Variants in MYO3A observed in about 807,000 individuals in gnomAD.
MYO3A encodes the protein myosin-IIIa.
Under a neutral mutation model 192.7 loss-of-function variants are expected in MYO3A, and 180 were observed. That is an observed-to-expected ratio of 0.93 (90% CI 0.83 to 1.06). MYO3A has a LOEUF of 1.06. Ranked by LOEUF, MYO3A falls within the 50% of genes least tolerant of loss-of-function variation. MYO3A has a pLI of 0.00. For missense variants in MYO3A, 1,896 were observed against 1,905.0 expected, an observed-to-expected ratio of 1.00 and a Z score of 0.09; for synonymous variants, 628 against 645.3, an observed-to-expected ratio of 0.97 and a Z score of 0.41.
At chr10:26,161,773 TA>T (rs1291881113) in intron 26 of MYO3A, among the ~76,000 whole-genome samples, 1 of 152,202 alleles carries the variant, frequency 6.6e-6, no homozygotes, top group Non-Finnish European at 1.5e-5. Flanking sequence ...TTATTTTTAT[TA>T]TTTTTTTTGC....
intron 23 of MYO3A, among the ~76,000 whole-genome samples, chr10:26,148,027 A>G (rs974233400): frequency 1.3e-5 from 2 of 152,228 alleles, no homozygotes; most frequent in Non-Finnish European, 2.9e-5. Context: ...ACTGGAGTTT[A>G]AAATTGTTCT....
intron 26 of MYO3A, among the ~76,000 whole-genome samples, chr10:26,158,260 T>A (rs868747893): frequency 0.021 from 3,202 of 151,586 alleles, 55 homozygotes; most frequent in African/African-American, 0.05. Flanking sequence ...TTTTATTTTT[T>A]TTTTTTTTTT....
chr10:26,029,703 G>A (rs917749678), intron 10 of MYO3A, among the ~76,000 whole-genome samples: 6 of 151,912 alleles, frequency 3.9e-5, no homozygotes, highest in East Asian at 3.8e-4. Context: ...ATGTAATTCC[G>A]CTTTTTTTCT....
chr10:26,084,161 A>G (rs1210648673), intron 14 of MYO3A, among the ~76,000 whole-genome samples: 1 of 152,194 alleles, frequency 6.6e-6, no homozygotes, highest in Non-Finnish European at 1.5e-5. Flanking sequence ...GAGGTGTTGG[A>G]CTTTGTCAGA....
Position 26,174,410 on chromosome 10 carries a change from A to G in MYO3A, c.4146A>G (p.Thr1382=). The change falls in exon 30 of 35, where the codon ACA becomes ACG. Residue 1382 remains threonine, a synonymous_variant. Coordinates refer to ENST00000642920, the MANE Select transcript of MYO3A (RefSeq NM_017433.5). ...SSFKHQRIVT[T]PTEVARNTHN... is the part of the protein sequence containing the mutation. ...TTAAGCATCAGAGGATTGTCACAAC[A>G]CCAACAGAAGTAGCAAGAAACACTC... 6.2e-7 allele frequency: 1 copy of G among 1,614,256 alleles called. No homozygotes were observed. The highest frequency in any genetic ancestry group is 8.5e-7 in the Non-Finnish European group (1 of 1,180,046).
chr10:25,979,198 T>C (rs1839145079), intron 4 of MYO3A, among the ~76,000 whole-genome samples: 2 of 152,206 alleles, frequency 1.3e-5, no homozygotes, highest in African/African-American at 4.8e-5. Context: ...CAGTGGCTTC[T>C]ACAGAATTAG....
chr10:26,027,777 A>G (rs1177520490), intron 10 of MYO3A, among the ~76,000 whole-genome samples: 2 of 152,246 alleles, frequency 1.3e-5, no homozygotes, highest in African/African-American at 4.8e-5. Context: ...ATGGCTAGAT[A>G]GCATTCCCTT....
rs563970231 is a variant in MYO3A at position 26,041,638 on chromosome 10, T to C, written c.953+15106T>C. Among the ~76,000 whole-genome samples the C allele has an allele frequency of 3.3e-5, 5 of 152,214 alleles. No homozygotes were observed. The East Asian group carries it at 9.6e-4, about 29-fold the overall frequency. On this transcript the variant is annotated intron_variant, in intron 10 of 34. Transcript: ENST00000642920. ...ACCACAAGGCTTGCACATACTATCT[T>C]ATAACCCATTATTGTAAGCTGATAA...
At chr10:26,175,722 C>T (rs552030303) in intron 30 of MYO3A, among the ~76,000 whole-genome samples, 1 of 152,324 alleles carries the variant, frequency 6.6e-6, no homozygotes, top group South Asian at 2.1e-4. Flanking sequence ...TACAGTTCTT[C>T]TCACTCCAAA....
intron 7 of MYO3A, among the ~76,000 whole-genome samples, chr10:26,018,713 G>C (rs1322406809): frequency 6.6e-6 from 1 of 152,096 alleles, no homozygotes; most frequent in Admixed American, 6.6e-5. Flanking sequence ...AGAGCGAAAG[G>C]GGGTGATATT....
At chr10:25,966,686 A>T (rs1838288361) in intron 4 of MYO3A, among the ~76,000 whole-genome samples, 1 of 152,204 alleles carries the variant, frequency 6.6e-6, no homozygotes, top group South Asian at 2.1e-4. Context: ...AAACTGCAAG[A>T]ATGGTGTCTT....
chr10:25,965,115 C>A (rs1433589869), intron 4 of MYO3A, among the ~76,000 whole-genome samples: 1 of 152,130 alleles, frequency 6.6e-6, no homozygotes, highest in African/African-American at 2.4e-5. Context: ...TGTTCTACAA[C>A]CTTCTTGCAC....
intron 2 of MYO3A, among the ~76,000 whole-genome samples, chr10:25,950,567 A>G (rs1267794768): frequency 6.6e-6 from 1 of 152,162 alleles, no homozygotes; most frequent in Non-Finnish European, 1.5e-5. Context: ...AGTTATGGGC[A>G]CAGATGTGAA....
rs773780118 is a variant in MYO3A at position 26,202,948 on chromosome 10, A to G, written c.4587-16A>G. ...ATTAGATTGATGCAATGGTGTGTTT[A>G]TGTGTTCATTTACAGTCAGGGAAAA... On this transcript the variant is annotated splice_polypyrimidine_tract_variant and intron_variant, in intron 33 of 34. Coordinates refer to ENST00000642920, the MANE Select transcript of MYO3A (RefSeq NM_017433.5). The G allele has an allele frequency of 7.4e-6, 12 of 1,612,990 alleles. No homozygotes were observed. The highest frequency in any genetic ancestry group is 9.3e-6 in the Non-Finnish European group (11 of 1,179,238).
intron 18 of MYO3A, among the ~76,000 whole-genome samples, chr10:26,123,279 T>A: frequency 6.6e-6 from 1 of 152,084 alleles, no homozygotes; most frequent in East Asian, 1.9e-4. Context: ...AAAATTGCAG[T>A]ACAAATGAAA....
At chr10:26,145,192 AAAAAAAC>A (rs1840388472) in intron 21 of MYO3A, among the ~76,000 whole-genome samples, 1 of 146,428 alleles carries the variant, frequency 6.8e-6, no homozygotes, top group Non-Finnish European at 1.5e-5. Flanking sequence ...AAAAAAAAAA[AAAAAAAC>A]CCTCAAGGTG....
intron 2 of MYO3A, among the ~76,000 whole-genome samples, chr10:25,938,834 T>G (rs72789916): frequency 0.045 from 6,804 of 152,278 alleles, 184 homozygotes; most frequent in Non-Finnish European, 0.065. Context: ...ATGATTAAAT[T>G]TATTGATATT....
chr10:25,937,709 A>C (rs955607869), intron 2 of MYO3A, among the ~76,000 whole-genome samples: 4 of 150,632 alleles, frequency 2.7e-5, no homozygotes, highest in Non-Finnish European at 4.4e-5. Context: ...AAGTACTTTT[A>C]TCCTCATAAA....
intron 34 of MYO3A, among the ~76,000 whole-genome samples, chr10:26,206,442 ATTATTTATTTGT>A (rs1843952130): frequency 1.3e-5 from 2 of 150,138 alleles, no homozygotes; most frequent in African/African-American, 5.0e-5. Flanking sequence ...ATTTTATTAT[ATTATTTATTTGT>A]TTATTTATTT....
Sources: allele counts gnomAD v4.1 joint callset (sites outside exome capture counted in the v4.1 genomes callset), GRCh38; gene constraint gnomAD v4.1.1; transcripts MANE v1.5; gene names NCBI Gene and HGNC (gene_info 2026-07-23, HGNC 2026-07-21).